Variants in TTC39A observed in about 807,000 individuals in gnomAD.
TTC39A encodes the protein tetratricopeptide repeat domain 39A.
TTC39A carries 46 observed loss-of-function variants against 82.3 expected under a neutral mutation model. That is an observed-to-expected ratio of 0.56 (90% confidence interval 0.44 to 0.71). The LOEUF is 0.71. TTC39A is among the 30% of genes least tolerant of loss of function. The pLI is 0.00. For synonymous variants in TTC39A, 254 were observed against 275.2 expected (o/e 0.92, Z 0.76); for missense variants, 543 against 712.9 (o/e 0.76, Z 2.71).
At chr1:51,309,207 A>G (rs1374724994) in intron 6 of TTC39A, 54 bp downstream of exon 6, 1 of 1,556,126 alleles carries the variant, frequency 6.4e-7, no homozygotes, top group Non-Finnish European at 8.7e-7. Flanking sequence ...GGGACAGCCT[A>G]GCAGATGCTG....
intron 1 of TTC39A, among the ~76,000 whole-genome samples, chr1:51,339,342 G>A (rs1646008800): frequency 6.6e-6 from 1 of 152,166 alleles, no homozygotes; most frequent in Non-Finnish European, 1.5e-5. Context: ...ATAGGGCAGG[G>A]GAAGGATTTT....
rs541858228 is a variant in TTC39A at position 51,321,587 on chromosome 1, T to C, written c.146+134A>G. ...TGGAATGGAGCTTGAGCCATTTTTA[T>C]GGGACTTCTCAGAGGTCCTGGTGAC... On this transcript the variant is annotated intron_variant, in intron 2 of 17. Coordinates refer to ENST00000680483, the MANE Select transcript of TTC39A (RefSeq NM_001297663.2). The surrounding 1 kb of genome is among the most constrained non-coding windows in gnomAD (Gnocchi z 4.6). The C allele has an allele frequency of 9.6e-5, 72 of 750,870 alleles. No homozygotes were observed. In the African/African-American group the frequency reaches 1.1e-3, roughly 12 times the overall value. The allele number at this position is 750,870 out of a possible 1,614,324, so 46.5% of individuals were successfully genotyped here.
Position 51,302,424 on chromosome 1 carries a change from G to T in TTC39A, c.832-8C>A, listed in dbSNP as rs1371168320. ...GAACAGGAAGATGGCACCCTGCAAT[G>T]ACACACATGTAAGTCCGTGTGGGTC... On this transcript the variant is annotated splice_region_variant and splice_polypyrimidine_tract_variant and intron_variant, in intron 10 of 17. Transcript: ENST00000680483. 6.2e-6 allele frequency: 10 copies of T among 1,609,188 alleles called. No individual in the cohort carries two copies. The highest frequency in any genetic ancestry group is 8.5e-6 in the Non-Finnish European group (10 of 1,177,768).
In TTC39A at chr1:51,321,373, A is replaced by T. The variant is rs1486126292; in HGVS notation, c.146+348T>A. ...CCCTCTTGATTGCCCTAAAACACCCAGGAAAGCAGGCAACCTAAGTCTTTA... is the reference window on the plus strand; with the variant it reads ...CCCTCTTGATTGCCCTAAAACACCCTGGAAAGCAGGCAACCTAAGTCTTTA... On this transcript the variant is annotated intron_variant, in intron 2 of 17. Transcript: ENST00000680483. This position sits in a 1 kb window ranked among gnomAD's most constrained non-coding sequence, Gnocchi z 4.6. 6.6e-6 allele frequency among the ~76,000 whole-genome samples: 1 copy of T among 152,230 alleles called. No individual in the cohort carries two copies.
intron 11 of TTC39A, chr1:51,302,138 C>T: frequency 2.7e-6 from 2 of 738,564 alleles, no homozygotes; most frequent in Non-Finnish European, 4.9e-6. Flanking sequence ...ATCTCCCAGT[C>T]AAAATCCCAG....
At chr1:51,334,431 A>G (rs1027167503), upstream of TTC39A, among the ~76,000 whole-genome samples, 8 of 152,184 alleles carry the variant, frequency 5.3e-5, no homozygotes, top group East Asian at 1.5e-3. Context: ...TGAACCCGGG[A>G]GGCGGAGGTT....
chr1:51,309,160 G>T, intron 6 of TTC39A, 101 bp downstream of exon 6: 1 of 1,441,216 alleles, frequency 6.9e-7, no homozygotes, highest in South Asian at 1.4e-5. Flanking sequence ...TTCTGGCCTC[G>T]GTTAGTACTC....
chr1:51,302,391 C>A lies in TTC39A; in HGVS notation c.857G>T (p.Gly286Val). 6.2e-7 allele frequency: 1 copy of A among 1,609,612 alleles called. No individual in the cohort carries two copies. Among genetic ancestry groups the A allele is most frequent in the Admixed American group, 1.7e-5 (1 of 59,378 alleles). The change falls in exon 11 of 18, where the codon GGG becomes GTG. Residue 286 changes from glycine to valine, a missense_variant. Coordinates refer to ENST00000680483, the MANE Select transcript of TTC39A (RefSeq NM_001297663.2). Reference sequence around the variant, plus strand: ...GTTGCCTTTAATGACTTCAATCCTCCCTGCAAAGAACAGGAAGATGGCACC... The same window carrying A: ...GTTGCCTTTAATGACTTCAATCCTCACTGCAAAGAACAGGAAGATGGCACC... The part of the protein sequence containing the change: ...PKGAIFLFFA[G>V]RIEVIKGNID...
At chr1:51,330,946 G>A, upstream of TTC39A, 1 of 636,258 alleles carries the variant, frequency 1.6e-6, no homozygotes, top group South Asian at 1.8e-5. The surrounding 1 kb of genome is among the most constrained non-coding windows in gnomAD (Gnocchi z 4.5). Flanking sequence ...TGCAGACAAA[G>A]ACAGCCCCCA....
intron 1 of TTC39A, chr1:51,329,668 C>G (rs557445392): frequency 1.6e-3 from 242 of 152,446 alleles, no homozygotes; most frequent in African/African-American, 5.3e-3. Flanking sequence ...TCACCTGGGC[C>G]GGCTCTCTGC....
rs1570038083 is a variant in TTC39A at position 51,345,073 on chromosome 1, G to A, written c.-30C>T. 7.5e-6 allele frequency: 10 copies of A among 1,335,396 alleles called. 1 individual carries two copies. The highest frequency in any genetic ancestry group is 3.1e-5 in the East Asian group (1 of 31,868). The allele number at this position is 1,335,396 out of a possible 1,614,324, so 82.7% of individuals were successfully genotyped here. On this transcript the variant is annotated 5_prime_UTR_variant, in exon 1 of 6. Transcript: ENST00000401051. ...GCGGGCCGGGCTCGGACGGGGCCGCGGGCGGCCCCTCGCGGCGGCGGCGGC... is the reference window on the plus strand; with the variant it reads ...GCGGGCCGGGCTCGGACGGGGCCGCAGGCGGCCCCTCGCGGCGGCGGCGGC...
At chr1:51,340,885 C>G (rs1048033299) in intron 1 of TTC39A, among the ~76,000 whole-genome samples, 12 of 152,234 alleles carry the variant, frequency 7.9e-5, no homozygotes, top group South Asian at 6.2e-4. Flanking sequence ...TCAAAACCAG[C>G]CTAAGGCCGG....
intron 1 of TTC39A, among the ~76,000 whole-genome samples, chr1:51,324,282 T>C (rs770556840): frequency 3.9e-5 from 6 of 152,214 alleles, no homozygotes; most frequent in Non-Finnish European, 8.8e-5. Flanking sequence ...GATTTAAGTG[T>C]TGAGTTGGGG....
chr1:51,316,400 T>A (rs1377463516), intron 2 of TTC39A, among the ~76,000 whole-genome samples: 2 of 152,174 alleles, frequency 1.3e-5, no homozygotes, highest in Admixed American at 1.3e-4. Context: ...TCCTCCAGCC[T>A]GTCCCCTCTT....
At chr1:51,334,664 A>C (rs1483914886), upstream of TTC39A, 1 of 152,468 alleles carries the variant, frequency 6.6e-6, no homozygotes, top group African/African-American at 2.4e-5. Flanking sequence ...CAAAAAAAAA[A>C]AAAGAAAGAA....
chr1:51,310,969 C>T (rs946174209), intron 5 of TTC39A, among the ~76,000 whole-genome samples: 9 of 152,220 alleles, frequency 5.9e-5, no homozygotes, highest in African/African-American at 1.9e-4. Context: ...ATGCCTATCA[C>T]CCCCATATGA....
upstream of TTC39A, among the ~76,000 whole-genome samples, chr1:51,334,285 C>A (rs927372528): frequency 1.3e-5 from 2 of 151,832 alleles, no homozygotes; most frequent in Admixed American, 6.6e-5. Flanking sequence ...GGGCGGATCA[C>A]CTGAGGTCAG....
In TTC39A at chr1:51,294,538, G is replaced by A. The variant is rs754686030; in HGVS notation, c.1146-27C>T. The A allele has an allele frequency of 3.1e-6, 5 of 1,613,418 alleles. No individual in the cohort carries two copies. The highest frequency in any genetic ancestry group is 4.5e-5 in the East Asian group (2 of 44,864). Reference sequence around the variant, plus strand: ...TGCGAAAGAGATGGGGAGGGTGGGAGAGGATGAAAAAGAGCAGGAGAGGGC... The same window carrying A: ...TGCGAAAGAGATGGGGAGGGTGGGAAAGGATGAAAAAGAGCAGGAGAGGGC... On this transcript the variant is annotated intron_variant, in intron 13 of 17. Coordinates refer to ENST00000680483, the MANE Select transcript of TTC39A (RefSeq NM_001297663.2). The surrounding 1 kb of genome is among the most constrained non-coding windows in gnomAD (Gnocchi z 4.3).
At position 51,288,294 on chromosome 1, in the gene TTC39A, G is replaced by A. The variant is rs375917793; in HGVS notation, c.1611-14C>T. The A allele has an allele frequency of 6.2e-7, 1 of 1,613,936 alleles. No individual in the cohort carries two copies. Among genetic ancestry groups the A allele is most frequent in the Non-Finnish European group, 8.5e-7 (1 of 1,179,852 alleles). On this transcript the variant is annotated splice_polypyrimidine_tract_variant and intron_variant, in intron 17 of 17. Transcript: ENST00000680483. This position sits in a 1 kb window ranked among gnomAD's most constrained non-coding sequence, Gnocchi z 4.8. ...TTGTAGTTTTGCCTGGAATTGAGCAGCGAATCAGACACATGAGGCTGCCTG... is the reference window on the plus strand; with the variant it reads ...TTGTAGTTTTGCCTGGAATTGAGCAACGAATCAGACACATGAGGCTGCCTG...
Sources: allele counts gnomAD v4.1 joint callset (sites outside exome capture counted in the v4.1 genomes callset), GRCh38; gene constraint gnomAD v4.1.1; non-coding constraint Gnocchi (gnomAD v3.1); transcripts MANE v1.5; gene names NCBI Gene and HGNC (gene_info 2026-07-23, HGNC 2026-07-21).